CCDC7: variants seen among roughly 807,000 people sequenced by gnomAD.
CCDC7 encodes coiled-coil domain-containing protein 7.
A neutral mutation model predicts 196.9 loss-of-function variants in CCDC7; 183 were observed. The ratio of observed to expected loss-of-function variants is 0.93; its 90% CI spans 0.82 to 1.05. CCDC7 has a LOEUF of 1.05. Among genes scored for constraint, CCDC7 ranks in the 50% least tolerant of loss-of-function variants. CCDC7 has a pLI of 0.00. For synonymous variants in CCDC7, 525 were observed against 484.6 expected (o/e 1.08, Z -1.10); for missense variants, 1,540 against 1,482.2 (o/e 1.04, Z -0.64).
intron 33 of CCDC7, among the ~76,000 whole-genome samples, chr10:32,838,011 G>T (rs12416135): frequency 6.6e-6 from 1 of 151,652 alleles, no homozygotes; most frequent in East Asian, 1.9e-4. Flanking sequence ...CCAACATGGC[G>T]CATGTATACA....
chr10:32,857,157 G>A (rs900185926), intron 41 of CCDC7, among the ~76,000 whole-genome samples: 1 of 152,062 alleles, frequency 6.6e-6, no homozygotes, highest in Non-Finnish European at 1.5e-5. Context: ...CTCCACTACT[G>A]TGCCTACCCA....
intron 9 of CCDC7, among the ~76,000 whole-genome samples, chr10:32,510,881 G>A (rs2046004835): frequency 1.3e-5 from 2 of 151,684 alleles, no homozygotes; most frequent in African/African-American, 4.8e-5. Flanking sequence ...GAACATTTAA[G>A]TCATTTCATG....
intron 39 of CCDC7, among the ~76,000 whole-genome samples, chr10:32,849,419 A>G (rs2093446820): frequency 6.6e-6 from 1 of 152,094 alleles, no homozygotes; most frequent in South Asian, 2.1e-4. Flanking sequence ...AAAGAAAGCA[A>G]GAGGGCCCGG....
At chr10:32,755,146 A>G (rs768756386) in intron 28 of CCDC7, among the ~76,000 whole-genome samples, 22 of 152,204 alleles carry the variant, frequency 1.4e-4, no homozygotes, top group African/African-American at 1.9e-4. Context: ...AGCCCACCAC[A>G]GCTCAAGGAG....
chr10:32,730,126 GTT>G (rs1347406721), intron 28 of CCDC7, among the ~76,000 whole-genome samples: 1 of 151,992 alleles, frequency 6.6e-6, no homozygotes, highest in African/African-American at 2.4e-5. Flanking sequence ...CCCATTAGCT[GTT>G]CTTCCTGATG....
chr10:32,518,671 T>C (rs562485116), intron 11 of CCDC7, among the ~76,000 whole-genome samples, 166 bp downstream of exon 12: 7 of 149,290 alleles, frequency 4.7e-5, no homozygotes, highest in African/African-American at 1.7e-4. Context: ...TAAATTATCA[T>C]ATTAGGTGTC....
intron 13 of CCDC7, among the ~76,000 whole-genome samples, chr10:32,560,456 A>G (rs979312837): frequency 7.9e-5 from 12 of 152,244 alleles, no homozygotes; most frequent in African/African-American, 2.9e-4. Context: ...GAAGCCCATC[A>G]GACTAATAGC....
At chr10:32,479,058 T>C (rs897877858) in intron 8 of CCDC7, among the ~76,000 whole-genome samples, 5 of 152,174 alleles carry the variant, frequency 3.3e-5, no homozygotes, top group Admixed American at 6.5e-5. Flanking sequence ...TTTGTCCATA[T>C]AATCTAAATT....
intron 41 of CCDC7, among the ~76,000 whole-genome samples, chr10:32,874,674 TACACACAC>T (rs560147234): frequency 6.7e-6 from 1 of 149,110 alleles, no homozygotes; most frequent in East Asian, 2.0e-4. Flanking sequence ...TATATATACA[TACACACAC>T]ACACATACAC....
intron 5 of CCDC7, among the ~76,000 whole-genome samples, chr10:32,466,254 CTCTTTTTTT>C (rs935673790): frequency 1.7e-5 from 2 of 116,466 alleles, no homozygotes; most frequent in Non-Finnish European, 1.8e-5. Flanking sequence ...GTGTTTCTCT[CTCTTTTTTT>C]TTTTTTTTTG....
chr10:32,596,275 T>G (rs1290266535), intron 18 of CCDC7, among the ~76,000 whole-genome samples: 1 of 152,240 alleles, frequency 6.6e-6, no homozygotes, highest in Non-Finnish European at 1.5e-5. Context: ...ATTGATCCCT[T>G]TACCATTATG....
chr10:32,773,742 C>G (rs184010552), intron 28 of CCDC7, among the ~76,000 whole-genome samples: 1 of 152,146 alleles, frequency 6.6e-6, no homozygotes, highest in Non-Finnish European at 1.5e-5. Flanking sequence ...TGAGTTTTTA[C>G]AAGTCTTGAT....
At chr10:32,721,678 C>G (rs912155918) in intron 25 of CCDC7, among the ~76,000 whole-genome samples, 5 of 152,080 alleles carry the variant, frequency 3.3e-5, no homozygotes, top group African/African-American at 1.2e-4. Context: ...CCTTATGCCC[C>G]TTTCTAGATC....
At chr10:32,577,250 T>A (rs1462765557) in intron 16 of CCDC7, among the ~76,000 whole-genome samples, 1 of 152,012 alleles carries the variant, frequency 6.6e-6, no homozygotes, top group Non-Finnish European at 1.5e-5. Context: ...TAGTCCCAGC[T>A]ACTTAGGAGG....
At chr10:32,451,857 G>C in exon 1 of CCDC7, 1 of 1,614,000 alleles carries the variant, frequency 6.2e-7, no homozygotes, top group East Asian at 2.2e-5. Context: ...ATTCCATCGA[G>C]TAAGACAAAG....
intron 23 of CCDC7, among the ~76,000 whole-genome samples, chr10:32,690,819 T>C (rs574336584): frequency 6.6e-6 from 1 of 152,294 alleles, no homozygotes; most frequent in East Asian, 1.9e-4. Flanking sequence ...GGGGTTCACA[T>C]AGAAAATACA....
intron 20 of CCDC7, among the ~76,000 whole-genome samples, chr10:32,644,944 C>T (rs1185527496): frequency 1.3e-5 from 2 of 152,168 alleles, no homozygotes; most frequent in Non-Finnish European, 2.9e-5. Flanking sequence ...GCCAATTAAA[C>T]CTCTTTTCTT....
chr10:32,824,675 A>T, intron 32 of CCDC7, 71 bp downstream of exon 33: 1 of 969,942 alleles, frequency 1.0e-6, no homozygotes, highest in African/African-American at 1.6e-5. Flanking sequence ...TGTATCTCTA[A>T]TGACAACAGT....
chr10:32,518,226 A>C (rs1410036244), intron 10 of CCDC7, among the ~76,000 whole-genome samples, 190 bp from the exon 12 acceptor site: 1 of 152,126 alleles, frequency 6.6e-6, no homozygotes, highest in African/African-American at 2.4e-5. Context: ...GAATAGTTCC[A>C]GTCCTTGACA....
Sources: allele counts gnomAD v4.1 joint callset (sites outside exome capture counted in the v4.1 genomes callset), GRCh38; gene constraint gnomAD v4.1.1; transcripts MANE v1.5; gene names NCBI Gene and HGNC (gene_info 2026-07-23, HGNC 2026-07-21).